Variants in LIPC observed in about 807,000 individuals in gnomAD.
The protein encoded by LIPC is hepatic triacylglycerol lipase.
A neutral mutation model predicts 50.7 loss-of-function variants in LIPC; 44 were observed. The ratio of observed to expected loss-of-function variants is 0.87; its 90% CI spans 0.68 to 1.11. LIPC has a LOEUF of 1.11. Among genes scored for constraint, LIPC ranks in the 50% most tolerant of loss-of-function variants. The pLI, the probability that LIPC is intolerant of heterozygous loss-of-function variation, is 0.00. For missense variants in LIPC, 697 were observed against 648.2 expected (o/e 1.08, Z -0.82); for synonymous variants, 271 against 256.4 (o/e 1.06, Z -0.54).
intron 1 of LIPC, among the ~76,000 whole-genome samples, chr15:58,472,165 G>T (rs1306753980): frequency 6.6e-6 from 1 of 151,192 alleles, no homozygotes; most frequent in Non-Finnish European, 1.5e-5. Flanking sequence ...CAGCTACTCG[G>T]GAGGCTGAAG....
At chr15:58,451,431 C>T (rs541798346) in intron 1 of LIPC, among the ~76,000 whole-genome samples, 1 of 152,224 alleles carries the variant, frequency 6.6e-6, no homozygotes, top group African/African-American at 2.4e-5. Context: ...TTCATTCGCT[C>T]CCCACCCCCT....
At chr15:58,559,469 C>T (rs1270739177) in intron 6 of LIPC, among the ~76,000 whole-genome samples, 2 of 152,208 alleles carry the variant, frequency 1.3e-5, no homozygotes, top group African/African-American at 4.8e-5. Context: ...ACCAGACACT[C>T]ATCTTGCCCC....
intron 1 of LIPC, among the ~76,000 whole-genome samples, chr15:58,483,000 T>C (rs1050855138): frequency 2.0e-5 from 3 of 152,178 alleles, no homozygotes; most frequent in Non-Finnish European, 2.9e-5. Context: ...GTGGAGCCCT[T>C]CACTCAGCGA....
At chr15:58,492,443 T>A (rs1595893684) in intron 1 of LIPC, among the ~76,000 whole-genome samples, 1 of 152,230 alleles carries the variant, frequency 6.6e-6, no homozygotes, top group Admixed American at 6.5e-5. Context: ...GTGGCAAGTC[T>A]GTACTAAGCA....
At chr15:58,486,462 TCTC>T (rs1306193187) in intron 1 of LIPC, among the ~76,000 whole-genome samples, 3 of 152,210 alleles carry the variant, frequency 2.0e-5, no homozygotes, top group Non-Finnish European at 4.4e-5. Context: ...TCATTGGTTC[TCTC>T]CTCTGCTCTT....
chr15:58,487,825 G>A (rs1471675750), intron 1 of LIPC, among the ~76,000 whole-genome samples: 1 of 152,206 alleles, frequency 6.6e-6, no homozygotes, highest in African/African-American at 2.4e-5. Context: ...AGGTCATCTT[G>A]TGTTGGCCCT....
At chr15:58,440,509 A>G (rs1464442412) in intron 1 of LIPC, among the ~76,000 whole-genome samples, 3 of 152,214 alleles carry the variant, frequency 2.0e-5, no homozygotes, top group Non-Finnish European at 1.5e-5. Flanking sequence ...ACCAGGCCCC[A>G]TGGTCAGTAG....
intron 1 of LIPC, among the ~76,000 whole-genome samples, chr15:58,441,849 G>A (rs1281349791): frequency 6.6e-6 from 1 of 152,210 alleles, no homozygotes; most frequent in African/African-American, 2.4e-5. Context: ...TCAGAAGAGG[G>A]AAATGTTTAG....
At chr15:58,540,495 G>T (rs550841310) in intron 2 of LIPC, among the ~76,000 whole-genome samples, 1 of 152,188 alleles carries the variant, frequency 6.6e-6, no homozygotes, top group Non-Finnish European at 1.5e-5. Flanking sequence ...TAGAAACTAG[G>T]AGAGCCTAGA....
chr15:58,448,869 A>C (rs1308363056), intron 1 of LIPC, among the ~76,000 whole-genome samples: 1 of 152,244 alleles, frequency 6.6e-6, no homozygotes, highest in East Asian at 1.9e-4. Flanking sequence ...AAATGACAGA[A>C]CAGAGAGTGG....
intron 1 of LIPC, among the ~76,000 whole-genome samples, chr15:58,461,630 C>G (rs1304984492): frequency 2.6e-5 from 4 of 151,492 alleles, no homozygotes; most frequent in Non-Finnish European, 4.4e-5. Context: ...ATTGGCCAGG[C>G]TGGTCTCGAA....
chr15:58,498,210 T>TC (rs375498680), intron 1 of LIPC, among the ~76,000 whole-genome samples: 11 of 152,176 alleles, frequency 7.2e-5, no homozygotes, highest in African/African-American at 2.7e-4. Flanking sequence ...GCCAATAGTC[T>TC]CCCCTATCTC....
intron 1 of LIPC, among the ~76,000 whole-genome samples, chr15:58,438,553 G>A (rs1240761878): frequency 6.6e-6 from 1 of 152,210 alleles, no homozygotes; most frequent in African/African-American, 2.4e-5. Flanking sequence ...ACTAGAACAA[G>A]GGGGCCGAGC....
At chr15:58,451,131 A>G (rs1481624893) in intron 1 of LIPC, among the ~76,000 whole-genome samples, 1 of 152,180 alleles carries the variant, frequency 6.6e-6, no homozygotes, top group African/African-American at 2.4e-5. Context: ...ACTTGGAGGC[A>G]TGTATCCCCA....
At chr15:58,544,395 C>CTTTTTTT (rs66982295) in intron 4 of LIPC, among the ~76,000 whole-genome samples, 12 of 128,964 alleles carry the variant, frequency 9.3e-5, no homozygotes, top group East Asian at 4.5e-4. Context: ...TTTTCTCTTT[C>CTTTTTTT]TTTTTTTTTT....
chr15:58,494,652 A>G (rs904097291), intron 1 of LIPC: 3 of 412,202 alleles, frequency 7.3e-6, no homozygotes, highest in Middle Eastern at 3.9e-4. Flanking sequence ...TGTATCAATC[A>G]GTGCCAATGT....
Position 58,538,496 on chromosome 15 carries a change from G to A in LIPC, c.252G>A (p.Val84=). The change falls in exon 2 of 9, where the codon GTG becomes GTA. Residue 84 remains valine (V), a synonymous_variant. Transcript: ENST00000299022. ...GCTTCAACTCCTCCCTGCCTCTGGT[G>A]ATGATAATCCACGGGTGGTCGGTAG... The part of the protein sequence containing the change: ...ECGFNSSLPL[V]MIIHGWSVDG... 1.2e-6 allele frequency: 2 copies of A among 1,614,188 alleles called. No individual in the cohort carries two copies. The highest frequency in any genetic ancestry group is 1.7e-6 in the Non-Finnish European group (2 of 1,180,024).
In LIPC at chr15:58,566,042, G is replaced by C. The variant is rs1286126708; in HGVS notation, c.1388+2319G>C. ...CCCAGGGCTTCTCAAACTTTCACGAGCATACAAAGCATCTGGGAATCATGT... is the reference window on the plus strand; with the variant it reads ...CCCAGGGCTTCTCAAACTTTCACGACCATACAAAGCATCTGGGAATCATGT... On this transcript the variant is annotated intron_variant, in intron 8 of 8. Transcript: ENST00000299022. 1.2e-5 allele frequency: 12 copies of C among 983,192 alleles called. No individual in the cohort carries two copies. In the Admixed American group the frequency reaches 7.4e-4, roughly 60 times the overall value. The allele number at this position is 983,192 out of a possible 1,614,324, so 60.9% of individuals were successfully genotyped here.
intron 2 of LIPC, among the ~76,000 whole-genome samples, chr15:58,540,587 T>C (rs1377163404): frequency 1.3e-5 from 2 of 152,184 alleles, no homozygotes; most frequent in East Asian, 1.9e-4. Context: ...TGGAATGGCA[T>C]GACAGGCCCT....
Sources: allele counts gnomAD v4.1 joint callset (sites outside exome capture counted in the v4.1 genomes callset), GRCh38; gene constraint gnomAD v4.1.1; transcripts MANE v1.5; gene names NCBI Gene and HGNC (gene_info 2026-07-23, HGNC 2026-07-21).